The following LHFPL2 variants were observed in gnomAD, a reference collection of about 807,000 sequenced individuals.
LHFPL2 encodes the protein LHFPL tetraspan subfamily member 2 protein.
A neutral mutation model predicts 17.5 loss-of-function variants in LHFPL2; 7 were observed. The ratio of observed to expected loss-of-function variants is 0.40; its 90% CI spans 0.23 to 0.75. The LOEUF (loss-of-function observed/expected upper bound fraction) is 0.75, where lower values mean the gene tolerates loss of function less well. Among genes scored for constraint, LHFPL2 ranks in the 30% least tolerant of loss-of-function variants. The pLI is 0.37. For synonymous variants in LHFPL2, 134 were observed against 116.2 expected, an observed-to-expected ratio of 1.15 and a Z score of -0.99; for missense variants, 241 against 294.8, an observed-to-expected ratio of 0.82 and a Z score of 1.34.
chr5:78,556,324 A>C (rs76687893), intron 3 of LHFPL2, among the ~76,000 whole-genome samples: 4,850 of 152,358 alleles, frequency 0.032, 252 homozygotes, highest in African/African-American at 0.11. Context: ...CCTAAAGGAC[A>C]AACATGAACA....
chr5:78,504,279 A>G (rs1754867122), intron 4 of LHFPL2, among the ~76,000 whole-genome samples: 1 of 152,174 alleles, frequency 6.6e-6, no homozygotes, highest in Non-Finnish European at 1.5e-5. Context: ...GAAGGTGGGC[A>G]ACCAAGGTCA....
At chr5:78,611,542 G>A (rs189714850) in intron 2 of LHFPL2, among the ~76,000 whole-genome samples, 1 of 152,334 alleles carries the variant, frequency 6.6e-6, no homozygotes, top group Admixed American at 6.5e-5. Flanking sequence ...TCCCTCCGGA[G>A]AAGCCTGAGG....
At chr5:78,531,265 A>G (rs1484362825) in intron 3 of LHFPL2, among the ~76,000 whole-genome samples, 1 of 152,084 alleles carries the variant, frequency 6.6e-6, no homozygotes, top group African/African-American at 2.4e-5. Flanking sequence ...AAAATACAAA[A>G]TTAGCCGGGC....
At chr5:78,635,235 A>C (rs1011150286) in intron 1 of LHFPL2, among the ~76,000 whole-genome samples, 7 of 152,266 alleles carry the variant, frequency 4.6e-5, no homozygotes, top group African/African-American at 1.7e-4. Flanking sequence ...CCAGAGGCTG[A>C]GAACTCTGCA....
At chr5:78,609,116 G>A (rs1744324506) in intron 2 of LHFPL2, among the ~76,000 whole-genome samples, 1 of 152,080 alleles carries the variant, frequency 6.6e-6, no homozygotes, top group South Asian at 2.1e-4. Flanking sequence ...TTAGACAAGT[G>A]TAGTACAAAG....
In LHFPL2 at chr5:78,631,621, C is replaced by T. The variant is rs570326865; in HGVS notation, c.-245+643G>A. On this transcript the variant is annotated intron_variant, in intron 2 of 4. Coordinates refer to ENST00000380345, the MANE Select transcript of LHFPL2 (RefSeq NM_005779.3). ...AAAGGTTACACTCTGAAAAGCCTCT[C>T]ATTCAGACAGTTGATAAACAGGTGA... Among the ~76,000 whole-genome samples the T allele has an allele frequency of 2.1e-3, 325 of 152,360 alleles. 2 individuals are homozygous for T. The highest frequency in any genetic ancestry group is 7.3e-3 in the African/African-American group (303 of 41,584).
intron 2 of LHFPL2, among the ~76,000 whole-genome samples, chr5:78,597,085 G>A (rs978855208): frequency 6.6e-6 from 1 of 152,230 alleles, no homozygotes; most frequent in African/African-American, 2.4e-5. Flanking sequence ...ACAGTCACCT[G>A]TGGGACTCAG....
rs559615788 is a variant in LHFPL2 at position 78,485,705 on chromosome 5, A to G, written c.*3192T>C. On this transcript the variant is annotated 3_prime_UTR_variant, in exon 5 of 5. Transcript: ENST00000380345. ...CATGGTCTATAAAAGCATGTTAAGA[A>G]ATAGCTCCTCAGTGATTATGTACCA... 6.5e-6 allele frequency: 1 copy of G among 152,764 alleles called. No individual in the cohort carries two copies. The highest frequency in any genetic ancestry group is 2.1e-4 in the South Asian group (1 of 4,830). The allele number at this position is 152,764 out of a possible 1,614,324, so 9.5% of individuals were successfully genotyped here.
At chr5:78,630,918 C>T (rs1290165545) in intron 2 of LHFPL2, among the ~76,000 whole-genome samples, 2 of 152,188 alleles carry the variant, frequency 1.3e-5, no homozygotes, top group African/African-American at 4.8e-5. Context: ...CCGGCAGCTC[C>T]TGAAAGGACT....
At chr5:78,611,035 A>G (rs539583209) in intron 2 of LHFPL2, among the ~76,000 whole-genome samples, 5 of 151,890 alleles carry the variant, frequency 3.3e-5, no homozygotes, top group East Asian at 1.9e-4. Context: ...CTGAGAAGGG[A>G]AAAAAAAAGT....
At chr5:78,492,012 A>T (rs1315446800) in intron 4 of LHFPL2, among the ~76,000 whole-genome samples, 1 of 152,184 alleles carries the variant, frequency 6.6e-6, no homozygotes. Flanking sequence ...GGCCTATGAT[A>T]AACCCCAATT....
intron 2 of LHFPL2, among the ~76,000 whole-genome samples, chr5:78,576,989 T>A (rs1757150335): frequency 6.6e-6 from 1 of 152,218 alleles, no homozygotes; most frequent in African/African-American, 2.4e-5. Flanking sequence ...TCTTTAGAGA[T>A]TTTGTTAATA....
chr5:78,574,295 G>A (rs1478031495), intron 2 of LHFPL2, among the ~76,000 whole-genome samples: 1 of 152,220 alleles, frequency 6.6e-6, no homozygotes, highest in South Asian at 2.1e-4. Flanking sequence ...CAGCCCTCCA[G>A]CAGCAGGGCA....
chr5:78,606,758 T>A (rs1217834224), intron 2 of LHFPL2, among the ~76,000 whole-genome samples: 1 of 152,162 alleles, frequency 6.6e-6, no homozygotes, highest in Non-Finnish European at 1.5e-5. Context: ...CACTGCAACC[T>A]CCACCTCCCA....
chr5:78,636,278 T>C (rs545542897), intron 1 of LHFPL2, among the ~76,000 whole-genome samples: 1 of 152,370 alleles, frequency 6.6e-6, no homozygotes, highest in African/African-American at 2.4e-5. Flanking sequence ...GCCTGTCCTC[T>C]GTGTGCTTAC....
rs80089367 is a variant in LHFPL2 at position 78,498,031 on chromosome 5, C to T, written c.431-8878G>A. On this transcript the variant is annotated intron_variant, in intron 4 of 4. Coordinates refer to ENST00000380345, the MANE Select transcript of LHFPL2 (RefSeq NM_005779.3). ...GGCACTGGCCAGGAGAGGAGCAGCA[C>T]GCGGGAGAAGGACGGGAAAGGACAG... Among the ~76,000 whole-genome samples, 18 of 152,224 alleles carry T rather than the reference C, an allele frequency of 1.2e-4. 1 individual carries two copies. The East Asian group carries it at 3.1e-3, about 26-fold the overall frequency.
intron 3 of LHFPL2, among the ~76,000 whole-genome samples, chr5:78,550,585 T>TTTA (rs1216206818): frequency 3.3e-5 from 5 of 152,060 alleles, no homozygotes; most frequent in Non-Finnish European, 7.4e-5. Flanking sequence ...TATTTATTTA[T>TTTA]TTTGAGATGG....
intron 2 of LHFPL2, among the ~76,000 whole-genome samples, chr5:78,623,857 G>A (rs1236282658): frequency 3.3e-5 from 5 of 152,114 alleles, no homozygotes; most frequent in South Asian, 2.1e-4. Flanking sequence ...AAAGCACTAC[G>A]CTAGCACCAC....
At chr5:78,542,546 G>A (rs185479054) in intron 3 of LHFPL2, among the ~76,000 whole-genome samples, 1 of 152,092 alleles carries the variant, frequency 6.6e-6, no homozygotes, top group Non-Finnish European at 1.5e-5. Context: ...TGGATTTCCT[G>A]CTGAAGCCCA....
Sources: gnomAD v4.1 joint callset for allele counts (sites outside exome capture counted in the v4.1 genomes callset) on GRCh38, gnomAD v4.1.1 for gene constraint, MANE v1.5 for transcripts, NCBI Gene and HGNC (gene_info 2026-07-23, HGNC 2026-07-21) for gene names.